Variants in TPRG1 observed in about 807,000 individuals in gnomAD.
TPRG1 encodes the protein tumor protein p63-regulated gene 1 protein.
A neutral mutation model predicts 29.3 loss-of-function variants in TPRG1; 29 were observed. That is an observed-to-expected ratio of 0.99 (90% CI 0.74 to 1.35). The LOEUF is 1.35. TPRG1 is among the 40% of genes most tolerant of loss of function. The pLI is 0.00. For synonymous variants in TPRG1, 130 were observed against 116.8 expected, an observed-to-expected ratio of 1.11 and a Z score of -0.73; for missense variants, 327 against 335.0, an observed-to-expected ratio of 0.98 and a Z score of 0.19.
intron 4 of TPRG1, among the ~76,000 whole-genome samples, chr3:189,070,218 T>A (rs1461832833): frequency 6.6e-6 from 1 of 152,044 alleles, no homozygotes; most frequent in Non-Finnish European, 1.5e-5. Flanking sequence ...GACAAAATGT[T>A]AGAAATGGAG....
intron 4 of TPRG1, among the ~76,000 whole-genome samples, chr3:189,261,034 G>A (rs1418579719): frequency 1.3e-5 from 2 of 152,144 alleles, no homozygotes; most frequent in Non-Finnish European, 2.9e-5. Flanking sequence ...CCTAATCACT[G>A]TTATAAGTGT....
chr3:189,072,872 T>C (rs886860886), intron 4 of TPRG1, among the ~76,000 whole-genome samples: 6 of 152,168 alleles, frequency 3.9e-5, no homozygotes, highest in Non-Finnish European at 8.8e-5. Context: ...CTACAACAGT[T>C]CTCATTAATT....
chr3:189,308,466 T>C (rs1211804333), intron 4 of TPRG1, among the ~76,000 whole-genome samples: 1 of 152,238 alleles, frequency 6.6e-6, no homozygotes, highest in African/African-American at 2.4e-5. Context: ...ACAGCTTTGC[T>C]GGATGGCCTG....
chr3:189,304,779 GA>G (rs1414996237), intron 4 of TPRG1, among the ~76,000 whole-genome samples: 16 of 152,136 alleles, frequency 1.1e-4, no homozygotes, highest in Middle Eastern at 3.2e-3. Context: ...CATGGGCCTA[GA>G]AGTCTGCCTT....
At chr3:189,305,782 G>A (rs1219178473) in intron 4 of TPRG1, among the ~76,000 whole-genome samples, 1 of 152,172 alleles carries the variant, frequency 6.6e-6, no homozygotes, top group Non-Finnish European at 1.5e-5. Context: ...AACTCAGATA[G>A]TTTAGGATCC....
chr3:189,148,980 G>A (rs1430395900), intron 4 of TPRG1, among the ~76,000 whole-genome samples: 1 of 152,152 alleles, frequency 6.6e-6, no homozygotes, highest in African/African-American at 2.4e-5. Flanking sequence ...TGCTGTGGGC[G>A]ATTGCTTGAC....
chr3:189,182,625 A>C (rs1433730362), intron 1 of TPRG1, among the ~76,000 whole-genome samples: 1 of 152,114 alleles, frequency 6.6e-6, no homozygotes, highest in Non-Finnish European at 1.5e-5. Context: ...ATTTATACTG[A>C]AAAAGAAATT....
chr3:189,110,334 T>C (rs1578386300), intron 1 of TPRG1, among the ~76,000 whole-genome samples: 1 of 152,366 alleles, frequency 6.6e-6, no homozygotes, highest in East Asian at 1.9e-4. Context: ...TTTCATGGCT[T>C]ATTTGCCATT....
At chr3:189,084,898 C>T (rs144679388) in intron 4 of TPRG1, among the ~76,000 whole-genome samples, 1 of 152,314 alleles carries the variant, frequency 6.6e-6, no homozygotes, top group Non-Finnish European at 1.5e-5. Flanking sequence ...GGAAGCCAAC[C>T]ATATTTTTGT....
chr3:189,205,519 A>T (rs1157708494), intron 1 of TPRG1, among the ~76,000 whole-genome samples: 2 of 152,222 alleles, frequency 1.3e-5, no homozygotes, highest in Non-Finnish European at 2.9e-5. Flanking sequence ...AGTTAATCCC[A>T]ATTTCAAAAG....
At chr3:189,171,682 A>AG (rs774323292), upstream of TPRG1, among the ~76,000 whole-genome samples, 8 of 152,226 alleles carry the variant, frequency 5.3e-5, no homozygotes, top group Non-Finnish European at 8.8e-5. Flanking sequence ...ATAGGAGTGT[A>AG]GGCCTCAGGC....
chr3:189,222,302 TA>T (rs1301507103), intron 3 of TPRG1, among the ~76,000 whole-genome samples: 1 of 151,940 alleles, frequency 6.6e-6, no homozygotes, highest in African/African-American at 2.4e-5. Context: ...AATCATATAA[TA>T]AAAACACTAC....
At chr3:189,227,357 T>C (rs1469380315) in intron 3 of TPRG1, among the ~76,000 whole-genome samples, 1 of 152,150 alleles carries the variant, frequency 6.6e-6, no homozygotes, top group African/African-American at 2.4e-5. Context: ...CCAGAGTTCC[T>C]GGAGGGGGAA....
chr3:189,129,739 A>T (rs73053497), intron 2 of TPRG1, among the ~76,000 whole-genome samples: 14,123 of 152,160 alleles, frequency 0.093, 1,885 homozygotes, highest in African/African-American at 0.29. Context: ...TAAGTCCAAG[A>T]CTATTGCTTT....
At chr3:189,206,740 A>G (rs567629767) in intron 1 of TPRG1, among the ~76,000 whole-genome samples, 3 of 151,572 alleles carry the variant, frequency 2.0e-5, no homozygotes, top group African/African-American at 4.9e-5. Context: ...AGCACAAGGG[A>G]TCTACCAGCC....
intron 4 of TPRG1, among the ~76,000 whole-genome samples, chr3:189,262,203 G>GGTATAAGTATAA (rs59142894): frequency 0.13 from 18,920 of 141,442 alleles, 1,438 homozygotes; most frequent in East Asian, 0.17. Flanking sequence ...GAGAAGACTT[G>GGTATAAGTATAA]GTATAAGTAT....
intron 1 of TPRG1, among the ~76,000 whole-genome samples, chr3:189,106,835 C>T (rs1448320508): frequency 6.6e-6 from 1 of 151,886 alleles, no homozygotes; most frequent in Admixed American, 6.6e-5. Flanking sequence ...GAACCTAGGG[C>T]CCAGAAAAAT....
At chr3:189,194,633 G>T (rs1047852929) in intron 1 of TPRG1, among the ~76,000 whole-genome samples, 6 of 152,196 alleles carry the variant, frequency 3.9e-5, no homozygotes, top group African/African-American at 7.2e-5. Flanking sequence ...CATCTGTGGG[G>T]AAAAGGGAGT....
At chr3:189,009,784 T>C (rs766470641) in intron 3 of TPRG1, among the ~76,000 whole-genome samples, 7 of 152,018 alleles carry the variant, frequency 4.6e-5, no homozygotes, top group Non-Finnish European at 7.4e-5. Context: ...TTCTCTCTCT[T>C]TTTTTTATTT....
Sources: gnomAD v4.1 joint callset for allele counts (sites outside exome capture counted in the v4.1 genomes callset) on GRCh38, gnomAD v4.1.1 for gene constraint, MANE v1.5 for transcripts, NCBI Gene and HGNC (gene_info 2026-07-23, HGNC 2026-07-21) for gene names.